FRMPD4: variants seen among roughly 807,000 people sequenced by gnomAD.
The protein encoded by FRMPD4 is FERM and PDZ domain-containing protein 4.
FRMPD4 carries 22 observed loss-of-function variants against 94.1 expected under a neutral mutation model. That is an observed-to-expected ratio of 0.23 (90% CI 0.17 to 0.33). The LOEUF is 0.33. Ranked by LOEUF, FRMPD4 falls within the 10% of genes least tolerant of loss-of-function variation. FRMPD4 has a pLI of 1.00. For missense variants in FRMPD4, 1,111 were observed against 1,339.9 expected, an observed-to-expected ratio of 0.83 and a Z score of 2.67; for synonymous variants, 631 against 548.6, an observed-to-expected ratio of 1.15 and a Z score of -2.10.
At chrX:12,284,141 G>A (rs1323864466) in intron 1 of FRMPD4, among the ~76,000 whole-genome samples, 1 of 111,743 alleles carries the variant, frequency 8.9e-6, no homozygotes, top group Non-Finnish European at 1.9e-5. Flanking sequence ...AGCTATTATC[G>A]TTGAACAGTA....
At chrX:12,044,970 A>G (rs1024327646) in intron 3 of FRMPD4, among the ~76,000 whole-genome samples, 1 of 112,453 alleles carries the variant, frequency 8.9e-6, no homozygotes, top group African/African-American at 3.2e-5. Context: ...GGGATTGGCA[A>G]ACTTTTGCCT....
At chrX:11,945,894 A>T (rs766613201) in intron 3 of FRMPD4, among the ~76,000 whole-genome samples, 1 of 112,314 alleles carries the variant, frequency 8.9e-6, no homozygotes, top group African/African-American at 3.2e-5. Flanking sequence ...CACTTGTCCA[A>T]GGTTACACAC....
chrX:12,500,809 T>C (rs73192455), intron 2 of FRMPD4, among the ~76,000 whole-genome samples: 9,851 of 111,800 alleles, frequency 0.088, 350 homozygotes, highest in East Asian at 0.19. Context: ...TTTAATATTA[T>C]ATTGTACCAT....
intron 3 of FRMPD4, among the ~76,000 whole-genome samples, chrX:11,926,258 CA>C (rs763084115): frequency 0.018 from 558 of 30,706 alleles, 1 homozygote; most frequent in African/African-American, 0.027. Context: ...GCTTACCAAC[CA>C]AAAAAAAAAA....
intron 1 of FRMPD4, among the ~76,000 whole-genome samples, chrX:12,453,696 G>GC (rs1410955603): frequency 9.0e-6 from 1 of 111,163 alleles, no homozygotes; most frequent in African/African-American, 3.3e-5. Context: ...CACGTATTAA[G>GC]CCCTTTTATG....
chrX:12,707,162 T>C (rs2041892129), intron 12 of FRMPD4, among the ~76,000 whole-genome samples: 1 of 111,291 alleles, frequency 9.0e-6, no homozygotes, highest in African/African-American at 3.3e-5. Context: ...TTTTAAATCA[T>C]TGAGCCAGAA....
At chrX:12,088,238 G>A (rs1163529578) in intron 3 of FRMPD4, among the ~76,000 whole-genome samples, 1 of 112,064 alleles carries the variant, frequency 8.9e-6, no homozygotes, top group Non-Finnish European at 1.9e-5. Flanking sequence ...TGTGGCTGGT[G>A]AGGGCTCACT....
intron 1 of FRMPD4, among the ~76,000 whole-genome samples, chrX:12,148,156 T>A (rs1382658231): frequency 8.9e-6 from 1 of 112,123 alleles, no homozygotes; most frequent in Non-Finnish European, 1.9e-5. Context: ...ATAATTAAGT[T>A]TGGTACGGAA....
intron 3 of FRMPD4, among the ~76,000 whole-genome samples, chrX:11,933,284 T>C (rs1179351903): frequency 4.5e-5 from 5 of 112,248 alleles, no homozygotes; most frequent in African/African-American, 1.6e-4. Context: ...TCACCATTGG[T>C]ATTTATTGTT....
intron 3 of FRMPD4, among the ~76,000 whole-genome samples, chrX:12,613,733 T>C (rs1262305157): frequency 8.9e-6 from 1 of 111,898 alleles, no homozygotes; most frequent in Non-Finnish European, 1.9e-5. Context: ...ATCCCAGCAC[T>C]TTGGGAGGCT....
At chrX:12,333,150 G>A (rs1027684688) in intron 1 of FRMPD4, among the ~76,000 whole-genome samples, 1 of 111,915 alleles carries the variant, frequency 8.9e-6, no homozygotes. Context: ...TTGGAATAAA[G>A]TCTATGAATC....
chrX:12,605,353 G>T (rs770759690), intron 2 of FRMPD4, among the ~76,000 whole-genome samples: 21 of 111,809 alleles, frequency 1.9e-4, no homozygotes, highest in Non-Finnish European at 3.4e-4. Context: ...TTCCAGAGTA[G>T]AAGTCCCACT....
chrX:12,183,241 T>C lies in FRMPD4; in HGVS notation c.41+44229T>C, dbSNP rs1001933335. ...GGGTCATTCAACCAAGACACTAGAA[T>C]AGAAAATGGGATGGGTATGTCTTGA... On this transcript the variant is annotated intron_variant, in intron 1 of 16. Transcript: ENST00000675598. Among the ~76,000 whole-genome samples the C allele has an allele frequency of 3.6e-5, 4 of 111,572 alleles. No homozygotes were observed. The Admixed American group carries it at 3.8e-4, about 11-fold the overall frequency.
chrX:12,660,633 C>T (rs2059704128), intron 4 of FRMPD4, among the ~76,000 whole-genome samples: 1 of 112,335 alleles, frequency 8.9e-6, no homozygotes, highest in Non-Finnish European at 1.9e-5. Context: ...TCTTTAAAAA[C>T]ATAGTTTTCA....
At chrX:12,631,059 T>C (rs1227270768) in intron 4 of FRMPD4, among the ~76,000 whole-genome samples, 1 of 110,426 alleles carries the variant, frequency 9.1e-6, no homozygotes, top group Admixed American at 9.6e-5. Flanking sequence ...GATACAAGGG[T>C]GCATGGAAGG....
intron 1 of FRMPD4, among the ~76,000 whole-genome samples, chrX:11,850,996 G>C (rs2053618357): frequency 9.0e-6 from 1 of 111,622 alleles, no homozygotes; most frequent in Admixed American, 9.5e-5. Flanking sequence ...ATTAGTAAAA[G>C]ACAACCAAGT....
intron 1 of FRMPD4, among the ~76,000 whole-genome samples, chrX:12,453,702 T>C (rs1332375793): frequency 1.8e-5 from 2 of 111,604 alleles, no homozygotes; most frequent in Non-Finnish European, 3.8e-5. Context: ...TTAAGCCCTT[T>C]TATGTGACAG....
At chrX:11,914,105 G>A (rs1242490600) in intron 3 of FRMPD4, among the ~76,000 whole-genome samples, 1 of 111,227 alleles carries the variant, frequency 9.0e-6, no homozygotes, top group African/African-American at 3.3e-5. Flanking sequence ...ATATCTCTTG[G>A]ATAAATTAAT....
intron 3 of FRMPD4, among the ~76,000 whole-genome samples, chrX:11,979,643 A>T (rs1353921257): frequency 9.1e-6 from 1 of 110,409 alleles, no homozygotes; most frequent in Non-Finnish European, 1.9e-5. Context: ...GCATCTTTTC[A>T]TATGTTTATT....
Sources: gnomAD v4.1 joint callset for allele counts (sites outside exome capture counted in the v4.1 genomes callset) on GRCh38, gnomAD v4.1.1 for gene constraint, MANE v1.5 for transcripts, NCBI Gene and HGNC (gene_info 2026-07-23, HGNC 2026-07-21) for gene names.